ASIC2: variants seen among roughly 807,000 people sequenced by gnomAD.
ASIC2 encodes the protein acid sensing ion channel subunit 2.
ASIC2 carries 25 observed loss-of-function variants against 57.3 expected under a neutral mutation model. The observed-to-expected ratio is 0.44, with a 90% CI of 0.32 to 0.61. The LOEUF is 0.61. ASIC2 is among the 20% of genes least tolerant of loss of function. The pLI, the probability that ASIC2 is intolerant of heterozygous loss-of-function variation, is 0.06. For missense variants in ASIC2, 641 were observed against 738.1 expected, an observed-to-expected ratio of 0.87 and a Z score of 1.52; for synonymous variants, 319 against 307.5, an observed-to-expected ratio of 1.04 and a Z score of -0.39.
At chr17:33,014,157 G>A in intron 9 of ASIC2, 91 bp from the exon 10 acceptor site, 1 of 1,004,458 alleles carries the variant, frequency 1.0e-6, no homozygotes, top group Non-Finnish European at 1.5e-6. Context: ...CCTGGGGAAG[G>A]TGCTCCCCAC....
At chr17:33,296,630 A>T (rs532495491), upstream of ASIC2, among the ~76,000 whole-genome samples, 4 of 152,290 alleles carry the variant, frequency 2.6e-5, no homozygotes, top group East Asian at 7.7e-4. Context: ...AGTGGCAGGA[A>T]AGTCTTCTGG....
At chr17:33,921,069 T>C (rs1286861388) in intron 1 of ASIC2, among the ~76,000 whole-genome samples, 1 of 152,222 alleles carries the variant, frequency 6.6e-6, no homozygotes, top group Non-Finnish European at 1.5e-5. Flanking sequence ...CTAATGTCAC[T>C]GTGCACTTAT....
At chr17:33,982,183 G>A (rs535829805) in intron 1 of ASIC2, among the ~76,000 whole-genome samples, 19 of 152,308 alleles carry the variant, frequency 1.2e-4, no homozygotes, top group South Asian at 2.1e-4. Flanking sequence ...ATCCCCAGCC[G>A]TAATTACCAC....
At chr17:33,068,076 G>A (rs931234126) in intron 3 of ASIC2, among the ~76,000 whole-genome samples, 4 of 152,110 alleles carry the variant, frequency 2.6e-5, no homozygotes, top group Admixed American at 2.0e-4. Context: ...AGACAACCCA[G>A]AGAGTGCAAC....
chr17:33,901,849 G>A (rs1265042268), intron 1 of ASIC2, among the ~76,000 whole-genome samples: 1 of 152,116 alleles, frequency 6.6e-6, no homozygotes, highest in African/African-American at 2.4e-5. Context: ...GTAGTATAAT[G>A]TTTGCCTTAT....
chr17:33,384,354 A>G (rs1173215580), intron 1 of ASIC2, among the ~76,000 whole-genome samples: 2 of 152,212 alleles, frequency 1.3e-5, no homozygotes, highest in African/African-American at 4.8e-5. Flanking sequence ...TATATAAGAA[A>G]GAATGCTCTA....
intron 1 of ASIC2, among the ~76,000 whole-genome samples, chr17:33,416,838 C>T (rs1252960541): frequency 6.6e-6 from 1 of 152,106 alleles, no homozygotes; most frequent in Non-Finnish European, 1.5e-5. Flanking sequence ...GCTCCATGGC[C>T]CGCTCATCTG....
Position 33,938,898 on chromosome 17 carries a change from A to G in ASIC2, c.555+217080T>C, listed in dbSNP as rs556037494. On this transcript the variant is annotated intron_variant, in intron 1 of 9. Transcript: ENST00000359872. Reference sequence around the variant, plus strand: ...CTGATCATTGGACCATCCCTGCTGGAAAGTGCCTCTGTGCTCAGACTCTGG... The same window carrying G: ...CTGATCATTGGACCATCCCTGCTGGGAAGTGCCTCTGTGCTCAGACTCTGG... Among the ~76,000 whole-genome samples the G allele has an allele frequency of 4.6e-5, 7 of 152,312 alleles. No homozygotes were observed. In the East Asian group the frequency reaches 1.4e-3, roughly 29 times the overall value.
At chr17:33,940,963 G>A (rs1471641813) in intron 1 of ASIC2, among the ~76,000 whole-genome samples, 1 of 152,260 alleles carries the variant, frequency 6.6e-6, no homozygotes, top group Non-Finnish European at 1.5e-5. Flanking sequence ...TCCAGGGCCA[G>A]GCTGAGGTGT....
intron 1 of ASIC2, among the ~76,000 whole-genome samples, chr17:34,011,705 G>A (rs918367356): frequency 1.3e-5 from 2 of 152,090 alleles, no homozygotes; most frequent in African/African-American, 2.4e-5. Context: ...GTCACAAAGG[G>A]GCTAATTGCC....
intron 1 of ASIC2, among the ~76,000 whole-genome samples, chr17:33,848,284 A>T (rs1209829137): frequency 6.6e-6 from 1 of 152,158 alleles, no homozygotes; most frequent in African/African-American, 2.4e-5. Context: ...GAACGTGCCA[A>T]CTAAGGGGCA....
chr17:33,181,475 G>A (rs1200632755), intron 1 of ASIC2, among the ~76,000 whole-genome samples: 1 of 152,126 alleles, frequency 6.6e-6, no homozygotes, highest in Non-Finnish European at 1.5e-5. Flanking sequence ...GTCAGAAATT[G>A]GGGTGTCAGC....
chr17:33,291,189 T>C, intron 1 of ASIC2: 1 of 984,170 alleles, frequency 1.0e-6, no homozygotes, highest in Non-Finnish European at 1.4e-6. Context: ...ACAGGGGAGC[T>C]CCCACTGGTG....
At chr17:34,099,164 GAAAGAAAGAAAGAAAGAA>G (rs1171079767) in intron 1 of ASIC2, among the ~76,000 whole-genome samples, 10 of 5,128 alleles carry the variant, frequency 2.0e-3, no homozygotes, top group African/African-American at 2.7e-3. Context: ...GAGAGAGAGA[GAAAGAAAGAAAGAAAGAA>G]AGAAAGAAAG....
chr17:33,560,929 G>T (rs1192188463), intron 1 of ASIC2, among the ~76,000 whole-genome samples: 2 of 152,120 alleles, frequency 1.3e-5, no homozygotes, highest in Non-Finnish European at 2.9e-5. Flanking sequence ...TAATTCCAAA[G>T]CCCATAGACC....
At chr17:33,404,192 T>C (rs957111138) in intron 1 of ASIC2, among the ~76,000 whole-genome samples, 1 of 152,148 alleles carries the variant, frequency 6.6e-6, no homozygotes, top group East Asian at 1.9e-4. Flanking sequence ...GGACTAGGAG[T>C]GACTGCAAAT....
intron 1 of ASIC2, among the ~76,000 whole-genome samples, chr17:33,719,232 G>T (rs2142082291): frequency 6.6e-6 from 1 of 152,312 alleles, no homozygotes; most frequent in Non-Finnish European, 1.5e-5. Context: ...GAAATATTAG[G>T]GTCAAGGGAC....
chr17:34,028,374 C>A (rs1277037050), intron 1 of ASIC2, among the ~76,000 whole-genome samples: 1 of 152,166 alleles, frequency 6.6e-6, no homozygotes, highest in Non-Finnish European at 1.5e-5. Context: ...AGAGGCTGTG[C>A]TTTTAGACAA....
chr17:33,291,151 G>T (rs1015432434), intron 1 of ASIC2: 2 of 661,428 alleles, frequency 3.0e-6, no homozygotes, highest in Non-Finnish European at 4.6e-6. Flanking sequence ...GAGGGCTTTG[G>T]GGGCTGACAC....
Sources: allele counts gnomAD v4.1 joint callset (sites outside exome capture counted in the v4.1 genomes callset), GRCh38; gene constraint gnomAD v4.1.1; transcripts MANE v1.5; gene names NCBI Gene and HGNC (gene_info 2026-07-23, HGNC 2026-07-21).